BIRC2: variants seen among roughly 807,000 people sequenced by gnomAD.
The protein encoded by BIRC2 is baculoviral IAP repeat-containing protein 2.
In BIRC2, 18 loss-of-function variants were observed where a neutral mutation model predicts 60.9. The observed-to-expected ratio is 0.30, with a 90% CI of 0.20 to 0.44. BIRC2 has a LOEUF of 0.44. Ranked by LOEUF, BIRC2 falls within the 20% of genes least tolerant of loss-of-function variation. BIRC2 has a pLI of 1.00. For synonymous variants in BIRC2, 282 were observed against 247.7 expected (o/e 1.14, Z -1.30); for missense variants, 701 against 728.5 (o/e 0.96, Z 0.43).
chr11:102,353,506 C>T (rs1050485670), intron 3 of BIRC2, among the ~76,000 whole-genome samples: 9 of 151,560 alleles, frequency 5.9e-5, no homozygotes, highest in Non-Finnish European at 1.3e-4. Flanking sequence ...TTAGTAGAGA[C>T]GCAGTTTCGC....
intron 3 of BIRC2, among the ~76,000 whole-genome samples, chr11:102,362,131 C>T (rs969483391): frequency 3.3e-5 from 5 of 152,092 alleles, no homozygotes; most frequent in Non-Finnish European, 7.4e-5. Flanking sequence ...ATTCTTTACC[C>T]AATGTAAAGA....
chr11:102,377,463 T>A (rs770394173), intron 6 of BIRC2, 33 bp from the exon 7 acceptor site: 1 of 1,560,726 alleles, frequency 6.4e-7, no homozygotes, highest in Admixed American at 2.0e-5. Flanking sequence ...GAGTTTAAAA[T>A]CTAATGGATT....
intron 6 of BIRC2, among the ~76,000 whole-genome samples, chr11:102,376,833 A>G (rs1035249226): frequency 1.3e-5 from 2 of 152,176 alleles, no homozygotes; most frequent in African/African-American, 2.4e-5. Flanking sequence ...AGGTACCGTT[A>G]TGTATATTTT....
intron 3 of BIRC2, among the ~76,000 whole-genome samples, chr11:102,361,924 T>C (rs34660853): frequency 4.6e-4 from 70 of 152,174 alleles, no homozygotes; most frequent in African/African-American, 1.6e-3. Flanking sequence ...AGCTGTCTGT[T>C]TGTTGTTTTT....
At chr11:102,351,066 T>G (rs1233412544) in intron 3 of BIRC2, 123 bp downstream of exon 3, 11 of 866,170 alleles carry the variant, frequency 1.3e-5, no homozygotes, top group African/African-American at 1.7e-5. Context: ...TGGGGAATTA[T>G]CCTTCTAAAA....
intron 3 of BIRC2, among the ~76,000 whole-genome samples, chr11:102,354,024 C>G (rs986709119): frequency 6.6e-6 from 1 of 152,094 alleles, no homozygotes; most frequent in Non-Finnish European, 1.5e-5. Context: ...ATTCAGCCCT[C>G]CAAATATGTG....
chr11:102,375,434 G>A (rs1475565899), intron 6 of BIRC2, among the ~76,000 whole-genome samples: 1 of 152,196 alleles, frequency 6.6e-6, no homozygotes, highest in African/African-American at 2.4e-5. Context: ...GCATGACCGT[G>A]TAGCAAAATA....
At chr11:102,354,747 C>A (rs1392236529) in intron 3 of BIRC2, among the ~76,000 whole-genome samples, 1 of 152,098 alleles carries the variant, frequency 6.6e-6, no homozygotes, top group Non-Finnish European at 1.5e-5. Flanking sequence ...TCTTTGCCAA[C>A]TTTTGTTATT....
chr11:102,356,390 G>A (rs763476390), intron 3 of BIRC2, among the ~76,000 whole-genome samples: 12 of 151,798 alleles, frequency 7.9e-5, no homozygotes, highest in Non-Finnish European at 1.0e-4. Flanking sequence ...TAGAGATGGC[G>A]TTTCACCATG....
Position 102,377,523 on chromosome 11 carries a change from G to C in BIRC2, c.1394G>C (p.Arg465Thr). 1 of 1,598,320 alleles carries C rather than the reference G, an allele frequency of 6.3e-7. No homozygotes were observed. Among genetic ancestry groups the C allele is most frequent in the Non-Finnish European group, 8.5e-7 (1 of 1,176,318 alleles). ...SDDLSLIRKN[R>T]MALFQQLTCV... ...GATTTGTCATTAATTCGGAAGAACA[G>C]AATGGCTCTCTTTCAACAATTGACA... Residue 465 changes from arginine (R) to threonine (T), a missense_variant, in exon 7 of 9, where the codon AGA becomes ACA. Physicochemically the swap from Arg to Thr is moderately conservative, Grantham distance 71. Around this residue, in one of 4 missense-constraint regions of BIRC2, gnomAD observed 235 missense variants for 208.9 expected, o/e 1.12. Coordinates refer to ENST00000227758, the MANE Select transcript of BIRC2 (RefSeq NM_001166.5).
rs1370733461 is a variant in BIRC2 at position 102,378,217 on chromosome 11, A to G, written c.*34A>G. On this transcript the variant is annotated 3_prime_UTR_variant, in exon 9 of 9. Coordinates refer to ENST00000227758, the MANE Select transcript of BIRC2 (RefSeq NM_001166.5). ...AGTCTATATTTTAACCTGCATAAAAAGGTCTTTAAAATATTGTTGAACACT... is the reference window on the plus strand; with the variant it reads ...AGTCTATATTTTAACCTGCATAAAAGGGTCTTTAAAATATTGTTGAACACT... 1.3e-6 allele frequency: 2 copies of G among 1,491,740 alleles called. No individual in the cohort carries two copies. Among genetic ancestry groups the G allele is most frequent in the Non-Finnish European group, 1.8e-6 (2 of 1,115,496 alleles). 92.4% of individuals were successfully genotyped at this position (1,491,740 alleles called of 1,614,324 possible).
At chr11:102,359,506 G>A (rs1951460691) in intron 3 of BIRC2, among the ~76,000 whole-genome samples, 1 of 152,104 alleles carries the variant, frequency 6.6e-6, no homozygotes, top group South Asian at 2.1e-4. Flanking sequence ...GAACTCTTCA[G>A]CGTTTCTTGT....
chr11:102,357,950 T>C lies in BIRC2; in HGVS notation c.996-4946T>C, dbSNP rs141932657. On this transcript the variant is annotated intron_variant, in intron 3 of 8. Coordinates refer to ENST00000227758, the MANE Select transcript of BIRC2 (RefSeq NM_001166.5). ...GTCGCATTTCAATTTTAATATTTCT[T>C]GTGATTTTTTAAAATTTTCTTTTTG... Among the ~76,000 whole-genome samples, 389 of 152,322 alleles carry C rather than the reference T, an allele frequency of 2.6e-3. 2 individuals are homozygous for C. Among genetic ancestry groups the C allele is most frequent in the Middle Eastern group, 6.8e-3 (2 of 294 alleles).
At chr11:102,364,648 T>G (rs1951532659) in intron 5 of BIRC2, among the ~76,000 whole-genome samples, 1 of 152,216 alleles carries the variant, frequency 6.6e-6, no homozygotes, top group Non-Finnish European at 1.5e-5. Flanking sequence ...GCCATTCTGT[T>G]TGTGGCACAG....
At chr11:102,354,128 A>G (rs938561644) in intron 3 of BIRC2, among the ~76,000 whole-genome samples, 4 of 152,186 alleles carry the variant, frequency 2.6e-5, no homozygotes, top group Non-Finnish European at 5.9e-5. Context: ...TTCAAGGGCC[A>G]GTTGTATTTG....
intron 3 of BIRC2, among the ~76,000 whole-genome samples, chr11:102,354,071 A>G (rs1951392947): frequency 6.6e-6 from 1 of 152,314 alleles, no homozygotes; most frequent in Admixed American, 6.5e-5. Flanking sequence ...CATTTGGTTG[A>G]GAAAAATCTG....
intron 3 of BIRC2, among the ~76,000 whole-genome samples, chr11:102,356,114 C>G (rs1430921242): frequency 1.3e-5 from 2 of 151,940 alleles, no homozygotes; most frequent in East Asian, 3.8e-4. Context: ...CTCTGGCTAA[C>G]CCTTCCAGTA....
Position 102,378,331 on chromosome 11 carries a change from T to C in BIRC2, c.*148T>C, listed in dbSNP as rs552817599. On this transcript the variant is annotated 3_prime_UTR_variant, in exon 9 of 9. Transcript: ENST00000227758. ...CTGCTTTGGTACTAATAATCTTGTT[T>C]CTGAAAAGATGGTATCATATATTTA... The C allele has an allele frequency of 1.5e-5, 9 of 604,770 alleles. No individual in the cohort carries two copies. In the South Asian group the frequency reaches 2.6e-4, roughly 18 times the overall value. 37.5% of individuals were successfully genotyped at this position (604,770 alleles called of 1,614,324 possible).
intron 3 of BIRC2, among the ~76,000 whole-genome samples, chr11:102,361,555 A>G (rs185069468): frequency 2.8e-4 from 43 of 152,240 alleles, no homozygotes; most frequent in African/African-American, 8.7e-4. Context: ...TTAATGGTGA[A>G]AGCTGTCAGT....
Sources: allele counts gnomAD v4.1 joint callset (sites outside exome capture counted in the v4.1 genomes callset), GRCh38; gene constraint gnomAD v4.1.1; regional missense constraint gnomAD v4.1.1; transcripts MANE v1.5; gene names NCBI Gene and HGNC (gene_info 2026-07-23, HGNC 2026-07-21).